UNC79: variants seen among roughly 807,000 people sequenced by gnomAD.
The protein encoded by UNC79 is unc-79 subunit of NALCN channel complex.
A neutral mutation model predicts 283.1 loss-of-function variants in UNC79; 37 were observed. The ratio of observed to expected loss-of-function variants is 0.13; its 90% CI spans 0.10 to 0.17. The LOEUF (loss-of-function observed/expected upper bound fraction) is 0.17, where lower values mean the gene tolerates loss of function less well. Ranked by LOEUF, UNC79 falls within the 10% of genes least tolerant of loss-of-function variation. The pLI, the probability that UNC79 is intolerant of heterozygous loss-of-function variation, is 1.00. For missense variants in UNC79, 2,272 were observed against 3,211.1 expected, an observed-to-expected ratio of 0.71 and a Z score of 7.07; for synonymous variants, 1,107 against 1,200.2, an observed-to-expected ratio of 0.92 and a Z score of 1.61.
intron 14 of UNC79, among the ~76,000 whole-genome samples, chr14:93,558,920 C>T (rs2062373923): frequency 6.6e-6 from 1 of 151,900 alleles, no homozygotes; most frequent in Non-Finnish European, 1.5e-5. Flanking sequence ...AATAAGATGT[C>T]AAATTAAACA....
intron 7 of UNC79, among the ~76,000 whole-genome samples, chr14:93,499,982 G>A (rs2059203449): frequency 6.6e-6 from 1 of 152,246 alleles, no homozygotes; most frequent in African/African-American, 2.4e-5. Context: ...CCAGACATTG[G>A]AGTGAGAGGA....
At chr14:93,615,576 G>T (rs1171951116) in intron 27 of UNC79, among the ~76,000 whole-genome samples, 3 of 151,664 alleles carry the variant, frequency 2.0e-5, no homozygotes, top group African/African-American at 4.8e-5. Context: ...ACAAAAATTA[G>T]CTGGGTGTGG....
At chr14:93,586,721 G>T in intron 21 of UNC79, 39 bp from the exon 22 acceptor site, 1 of 1,613,136 alleles carries the variant, frequency 6.2e-7, no homozygotes, top group Non-Finnish European at 8.5e-7. Flanking sequence ...TAGCATTACT[G>T]TTTTGGATAA....
At position 93,703,747 on chromosome 14, in the gene UNC79, A is replaced by G. The variant is rs145387936; in HGVS notation, c.7549-878A>G. ...TATGATGCATATTGGTGTATTAAAG[A>G]TCTGAGAAGTACTGAAATATAGAAA... On this transcript the variant is annotated intron_variant, in intron 47 of 48. Transcript: ENST00000555664. Among the ~76,000 whole-genome samples, 201 of 152,310 alleles carry G rather than the reference A, an allele frequency of 1.3e-3. 4 individuals are homozygous for G. In the East Asian group the frequency reaches 0.018, roughly 14 times the overall value.
intron 7 of UNC79, among the ~76,000 whole-genome samples, chr14:93,517,812 T>G (rs1037605355): frequency 6.6e-6 from 1 of 152,074 alleles, no homozygotes; most frequent in Non-Finnish European, 1.5e-5. Flanking sequence ...TCTAAAGTTT[T>G]GCAGCCTTTG....
At chr14:93,672,236 T>C (rs560254606) in intron 40 of UNC79, among the ~76,000 whole-genome samples, 54 of 152,184 alleles carry the variant, frequency 3.5e-4, no homozygotes, top group Non-Finnish European at 6.2e-4. Context: ...TGCACTCCCA[T>C]GTTTATTGCA....
intron 40 of UNC79, among the ~76,000 whole-genome samples, chr14:93,665,975 A>G (rs1437188807): frequency 6.6e-6 from 1 of 152,076 alleles, no homozygotes; most frequent in African/African-American, 2.4e-5. Flanking sequence ...GATAATACAA[A>G]GCAGTAATAA....
chr14:93,369,581 T>C (rs1448408029), intron 1 of UNC79, among the ~76,000 whole-genome samples: 1 of 152,176 alleles, frequency 6.6e-6, no homozygotes, highest in Non-Finnish European at 1.5e-5. Context: ...TGAACTGTAA[T>C]TGGCATATTA....
chr14:93,347,411 C>T (rs958127185), intron 1 of UNC79: 7 of 1,486,622 alleles, frequency 4.7e-6, no homozygotes, highest in Non-Finnish European at 6.2e-6. Context: ...TGAGGCCCAG[C>T]CATCATGGTG....
chr14:93,587,562 A>G (rs1259310780), intron 22 of UNC79, among the ~76,000 whole-genome samples: 1 of 152,214 alleles, frequency 6.6e-6, no homozygotes, highest in Admixed American at 6.5e-5. Context: ...TTTATTTATT[A>G]TTCATTCAAC....
intron 1 of UNC79, among the ~76,000 whole-genome samples, chr14:93,335,493 T>A (rs1261706161): frequency 6.6e-6 from 1 of 152,246 alleles, no homozygotes; most frequent in Non-Finnish European, 1.5e-5. Context: ...TTTTTAAGGC[T>A]AGTGTTAAGA....
intron 7 of UNC79, among the ~76,000 whole-genome samples, chr14:93,512,044 G>A (rs2059849671): frequency 6.6e-6 from 1 of 151,934 alleles, no homozygotes; most frequent in Admixed American, 6.6e-5. Context: ...GTCTTTACTA[G>A]CATTCATTTA....
chr14:93,631,555 G>A, intron 31 of UNC79, among the ~76,000 whole-genome samples: 1 of 152,208 alleles, frequency 6.6e-6, no homozygotes, highest in East Asian at 1.9e-4. Flanking sequence ...CGAGACTTTA[G>A]CATGAGACAG....
At chr14:93,376,438 G>GA (rs1044782490) in intron 1 of UNC79, among the ~76,000 whole-genome samples, 25 of 150,898 alleles carry the variant, frequency 1.7e-4, no homozygotes, top group South Asian at 4.2e-4. Flanking sequence ...TTCTAAAGAA[G>GA]AAAAAAAAAT....
rs1390322234 is a variant in UNC79, at chr14:93,617,794, C to A, written c.4225-398C>A. 6.6e-6 allele frequency among the ~76,000 whole-genome samples: 1 copy of A among 152,048 alleles called. No homozygotes were observed. Among genetic ancestry groups the A allele is most frequent in the Admixed American group, 6.5e-5 (1 of 15,270 alleles). On this transcript the variant is annotated intron_variant, in intron 28 of 48. Coordinates refer to ENST00000555664, the Ensembl canonical transcript of UNC79. This position sits in a 1 kb window ranked among gnomAD's most constrained non-coding sequence, Gnocchi z 4.5. The stretch of plus-strand genomic sequence containing the variant: ...TGGTGGCTCACTGCTGTAATCCCAG[C>A]ACTTATGGGAGGCCGAGGTGGGTAG...
intron 42 of UNC79, among the ~76,000 whole-genome samples, chr14:93,684,619 A>G (rs1473905179): frequency 6.6e-6 from 1 of 152,208 alleles, no homozygotes; most frequent in South Asian, 2.1e-4. Flanking sequence ...TGTGTATGTT[A>G]TATACATTAG....
Position 93,698,055 on chromosome 14 carries a change from T to G in UNC79, c.7548+3643T>G, listed in dbSNP as rs901015140. Among the ~76,000 whole-genome samples the G allele has an allele frequency of 4.6e-5, 7 of 152,348 alleles. No individual in the cohort carries two copies. In the South Asian group the frequency reaches 1.0e-3, roughly 23 times the overall value. Reference sequence around the variant, plus strand: ...ATTTAAAGATTTCCAGAGATTTTTCTGTTATGGATTTGTAGTTCTAATGTA... The same window carrying G: ...ATTTAAAGATTTCCAGAGATTTTTCGGTTATGGATTTGTAGTTCTAATGTA... On this transcript the variant is annotated intron_variant, in intron 47 of 48. Coordinates refer to ENST00000555664, the Ensembl canonical transcript of UNC79.
At chr14:93,468,655 G>T (rs2057341048) in intron 2 of UNC79, among the ~76,000 whole-genome samples, 1 of 152,170 alleles carries the variant, frequency 6.6e-6, no homozygotes, top group South Asian at 2.1e-4. Context: ...TCTAGCAGTC[G>T]AAAGCTTTGC....
chr14:93,579,049 A>G (rs544222567), intron 18 of UNC79, among the ~76,000 whole-genome samples: 23 of 152,096 alleles, frequency 1.5e-4, no homozygotes, highest in Non-Finnish European at 3.2e-4. Flanking sequence ...AGTATAGTCC[A>G]GTTATTTTGT....
Sources: gnomAD v4.1 joint callset for allele counts (sites outside exome capture counted in the v4.1 genomes callset) on GRCh38, gnomAD v4.1.1 for gene constraint, Gnocchi (gnomAD v3.1) non-coding constraint, MANE v1.5 for transcripts, NCBI Gene and HGNC (gene_info 2026-07-23, HGNC 2026-07-21) for gene names.